The following EMCN variants were observed in gnomAD, a reference collection of about 807,000 sequenced individuals.
EMCN encodes the protein MUC-14.
A neutral mutation model predicts 38.4 loss-of-function variants in EMCN; 37 were observed. The ratio of observed to expected loss-of-function variants is 0.96; its 90% CI spans 0.74 to 1.27. EMCN has a LOEUF of 1.27. EMCN is among the 50% of genes most tolerant of loss of function. The pLI, the probability that EMCN is intolerant of heterozygous loss-of-function variation, is 0.00. For missense variants in EMCN, 318 were observed against 302.8 expected, an observed-to-expected ratio of 1.05 and a Z score of -0.37; for synonymous variants, 95 against 100.8, an observed-to-expected ratio of 0.94 and a Z score of 0.35.
intron 3 of EMCN, 90 bp downstream of exon 3, chr4:100,474,948 A>C: frequency 1.8e-6 from 1 of 548,836 alleles, no homozygotes. Context: ...AATACTAAAA[A>C]CTTCTGAATT....
At chr4:100,443,953 C>T (rs182930546) in intron 5 of EMCN, among the ~76,000 whole-genome samples, 12 of 152,246 alleles carry the variant, frequency 7.9e-5, no homozygotes, top group East Asian at 1.9e-4. Flanking sequence ...AGACACTTAG[C>T]GATGAGGTAC....
At chr4:100,476,839 G>T (rs1728664842) in intron 2 of EMCN, among the ~76,000 whole-genome samples, 1 of 152,102 alleles carries the variant, frequency 6.6e-6, no homozygotes, top group African/African-American at 2.4e-5. Flanking sequence ...GATATCCCAG[G>T]CACTTCATTT....
chr4:100,430,453 T>G (rs533127550), intron 5 of EMCN, among the ~76,000 whole-genome samples: 81 of 152,282 alleles, frequency 5.3e-4, no homozygotes, highest in Non-Finnish European at 1.0e-3. Context: ...CAAAACAAGC[T>G]AAACACTTTC....
chr4:100,401,666 A>G (rs2110203549), intron 11 of EMCN, among the ~76,000 whole-genome samples: 1 of 152,312 alleles, frequency 6.6e-6, no homozygotes, highest in East Asian at 1.9e-4. Flanking sequence ...CACCATTAAG[A>G]AAATTACAGA....
chr4:100,468,844 C>T (rs1477423140), intron 3 of EMCN, among the ~76,000 whole-genome samples: 1 of 150,524 alleles, frequency 6.6e-6, no homozygotes, highest in Non-Finnish European at 1.5e-5. Context: ...TTTAAAAATC[C>T]CTATCAAAAT....
chr4:100,494,565 G>A (rs777792105), intron 1 of EMCN, among the ~76,000 whole-genome samples: 48 of 151,930 alleles, frequency 3.2e-4, no homozygotes, highest in Admixed American at 3.3e-4. Context: ...GTATAACATT[G>A]GCCAACTTTA....
chr4:100,487,574 G>A (rs1050647080), intron 1 of EMCN, among the ~76,000 whole-genome samples: 1 of 152,172 alleles, frequency 6.6e-6, no homozygotes, highest in Non-Finnish European at 1.5e-5. Context: ...ATCCCCATGT[G>A]TCAAGGGAGA....
chr4:100,433,903 T>C (rs919084040), intron 5 of EMCN, among the ~76,000 whole-genome samples: 1 of 152,002 alleles, frequency 6.6e-6, no homozygotes, highest in Admixed American at 6.6e-5. Flanking sequence ...GTACAAGAGT[T>C]CCCCTGGCTG....
chr4:100,499,352 G>T (rs1196356061), intron 1 of EMCN, among the ~76,000 whole-genome samples: 1 of 152,082 alleles, frequency 6.6e-6, no homozygotes. Context: ...CACAAATATG[G>T]CAATATTAGT....
At chr4:100,497,124 A>G (rs1442220979) in intron 1 of EMCN, among the ~76,000 whole-genome samples, 1 of 151,942 alleles carries the variant, frequency 6.6e-6, no homozygotes, top group Non-Finnish European at 1.5e-5. Flanking sequence ...GTTGATTAAA[A>G]ACCGCTTTAT....
chr4:100,512,799 T>G lies in EMCN; in HGVS notation c.64+5052A>C, dbSNP rs1370173131. ...CCAGCCTGGGCAACAAGAGCAAAAC[T>G]CCATCTCAAAAAAAAAAAAAAAAAA... On this transcript the variant is annotated intron_variant, in intron 1 of 11. Transcript: ENST00000296420. Among the ~76,000 whole-genome samples the G allele has an allele frequency of 2.4e-5, 3 of 124,878 alleles. No individual in the cohort carries two copies. In the East Asian group the frequency reaches 6.9e-4, roughly 29 times the overall value. 81.9% of individuals were successfully genotyped at this position (124,878 alleles called of 152,430 possible).
In EMCN at chr4:100,421,300, A is replaced by T. The variant is rs752395902; in HGVS notation, c.646T>A (p.Cys216Ser). The change falls in exon 8 of 12, where the codon TGC becomes AGC. Residue 216 changes from cysteine to serine, a missense_variant. Transcript: ENST00000296420. Reference protein sequence around the residue: ...VFVLVGLYRMCWKADPGTPEN... With the variant: ...VFVLVGLYRMSWKADPGTPEN... ...TACCTACCCGGATCTGCCTTCCAGC[A>T]CATTCGGTACAAACCCACCAGAACA... 1.2e-6 allele frequency: 2 copies of T among 1,612,834 alleles called. No individual in the cohort carries two copies. Among genetic ancestry groups the T allele is most frequent in the Non-Finnish European group, 8.5e-7 (1 of 1,179,118 alleles).
chr4:100,461,624 G>C (rs1429322331), intron 4 of EMCN, among the ~76,000 whole-genome samples: 1 of 151,966 alleles, frequency 6.6e-6, no homozygotes, highest in African/African-American at 2.4e-5. Context: ...CTTTTAAATA[G>C]GAAAAATACA....
At chr4:100,454,717 C>G (rs1029641801) in intron 4 of EMCN, among the ~76,000 whole-genome samples, 21 of 152,242 alleles carry the variant, frequency 1.4e-4, no homozygotes, top group African/African-American at 3.6e-4. Context: ...CCAATGATGT[C>G]AAAGTATAGA....
At chr4:100,460,985 T>C (rs1181639715) in intron 4 of EMCN, among the ~76,000 whole-genome samples, 2 of 152,196 alleles carry the variant, frequency 1.3e-5, no homozygotes, top group East Asian at 3.8e-4. Flanking sequence ...CTCCATCACA[T>C]TGTGTATCCA....
intron 1 of EMCN, among the ~76,000 whole-genome samples, chr4:100,514,837 G>T (rs557959627): frequency 1.3e-5 from 2 of 152,062 alleles, no homozygotes; most frequent in South Asian, 4.2e-4. Flanking sequence ...CCAAAACCAG[G>T]CTAGTTGTAA....
intron 5 of EMCN, among the ~76,000 whole-genome samples, chr4:100,427,971 C>T (rs990433881): frequency 3.3e-5 from 5 of 152,068 alleles, no homozygotes; most frequent in East Asian, 1.9e-4. Context: ...GCTTCATCTC[C>T]GAACTAAATC....
At chr4:100,492,313 A>G (rs1394183713) in intron 1 of EMCN, among the ~76,000 whole-genome samples, 1 of 152,184 alleles carries the variant, frequency 6.6e-6, no homozygotes, top group East Asian at 1.9e-4. Context: ...GACTCAAAGA[A>G]TCAGTGAGCT....
At chr4:100,406,598 G>A (rs1425817090) in intron 11 of EMCN, among the ~76,000 whole-genome samples, 1 of 152,132 alleles carries the variant, frequency 6.6e-6, no homozygotes, top group Non-Finnish European at 1.5e-5. Flanking sequence ...GTCGGAGAAT[G>A]TGGCTGGTAT....
Sources: allele counts gnomAD v4.1 joint callset (sites outside exome capture counted in the v4.1 genomes callset), GRCh38; gene constraint gnomAD v4.1.1; transcripts MANE v1.5; gene names NCBI Gene and HGNC (gene_info 2026-07-23, HGNC 2026-07-21).